Variants in USH2A observed in about 807,000 individuals in gnomAD.
USH2A encodes the protein usherin.
USH2A carries 443 observed loss-of-function variants against 538.9 expected under a neutral mutation model. The observed-to-expected ratio is 0.82, with a 90% CI of 0.76 to 0.89. The LOEUF is 0.89. Among genes scored for constraint, USH2A ranks in the 40% least tolerant of loss-of-function variants. USH2A has a pLI of 0.00. For missense variants in USH2A, 6,633 were observed against 6,324.8 expected (o/e 1.05, Z -1.65); for synonymous variants, 2,413 against 2,273.5 (o/e 1.06, Z -1.75).
At chr1:215,678,329 A>T (rs1658101157) in intron 62 of USH2A, among the ~76,000 whole-genome samples, 1 of 152,236 alleles carries the variant, frequency 6.6e-6, no homozygotes, top group African/African-American at 2.4e-5. Context: ...GTCTCCTACC[A>T]GTCCCTCCAA....
chr1:216,090,520 C>T (rs985812893), intron 22 of USH2A, among the ~76,000 whole-genome samples: 1 of 151,172 alleles, frequency 6.6e-6, no homozygotes, highest in Non-Finnish European at 1.5e-5. Flanking sequence ...TTACAGACAA[C>T]TCCATCAGCT....
rs142863927 is a variant in USH2A, at chr1:215,790,004, G to A, written c.10182+55C>T. 6,030 of 1,523,130 alleles carry A rather than the reference G, an allele frequency of 4.0e-3. 34 individuals carry two copies. Among genetic ancestry groups the A allele is most frequent in the South Asian group, 6.3e-3 (559 of 88,846 alleles). The allele number at this position is 1,523,130 out of a possible 1,614,324, so 94.4% of individuals were successfully genotyped here. A position where few individuals can be genotyped will look rare whatever the true frequency, so the allele number is the denominator to read the frequency against. ...TTTTAGAAAAATAGTTATGAACAAT[G>A]TATTTCTCTTTCCATTGTCAAATCA... On this transcript the variant is annotated intron_variant, in intron 51 of 71. Transcript: ENST00000307340.
chr1:216,166,532 G>A (rs987401337), intron 21 of USH2A, among the ~76,000 whole-genome samples: 1 of 152,156 alleles, frequency 6.6e-6, no homozygotes, highest in Non-Finnish European at 1.5e-5. Flanking sequence ...TGTTGGCAGA[G>A]AAGCCCACAA....
At chr1:216,085,051 C>A (rs1026920454) in intron 24 of USH2A, 174 bp from the exon 25 acceptor site, 3 of 646,490 alleles carry the variant, frequency 4.6e-6, no homozygotes, top group Non-Finnish European at 8.0e-6. Context: ...TAAATGATAG[C>A]AATTATAATG....
At chr1:216,366,590 C>CA (rs1490409753) in intron 3 of USH2A, among the ~76,000 whole-genome samples, 22 of 151,596 alleles carry the variant, frequency 1.5e-4, no homozygotes, top group East Asian at 9.7e-4. Flanking sequence ...TGTCCCCCCC[C>CA]AAAAAAACAA....
chr1:215,853,273 C>G (rs915084290), intron 44 of USH2A, among the ~76,000 whole-genome samples: 9 of 152,244 alleles, frequency 5.9e-5, no homozygotes, highest in African/African-American at 1.7e-4. Flanking sequence ...GTGGCCCAAG[C>G]TCTACATTGG....
chr1:215,908,378 T>G (rs1163212845), intron 38 of USH2A, among the ~76,000 whole-genome samples: 1 of 152,014 alleles, frequency 6.6e-6, no homozygotes. Flanking sequence ...AGTTTAGTAT[T>G]GCTCATGAAA....
intron 51 of USH2A, among the ~76,000 whole-genome samples, chr1:215,788,927 A>AAAACAAAACC (rs2102768842): frequency 6.6e-6 from 1 of 150,834 alleles, no homozygotes; most frequent in South Asian, 2.1e-4. Context: ...AAAACAAAAC[A>AAAACAAAACC]AAACAAAACA....
chr1:216,164,049 A>G lies in USH2A; in HGVS notation c.4627+11203T>C, dbSNP rs547136790. The stretch of plus-strand genomic sequence containing the variant: ...AGAAGTCACTTGTAATTACTTAATT[A>G]CATGTTTGATGCATGATTTCACTGC... On this transcript the variant is annotated intron_variant, in intron 21 of 71. Transcript: ENST00000307340. Among the ~76,000 whole-genome samples the G allele has an allele frequency of 9.2e-5, 14 of 152,244 alleles. No individual in the cohort carries two copies. In the South Asian group the frequency reaches 2.9e-3, roughly 32 times the overall value.
At chr1:216,205,804 A>G (rs1331402261) in intron 16 of USH2A, among the ~76,000 whole-genome samples, 1 of 152,208 alleles carries the variant, frequency 6.6e-6, no homozygotes, top group Non-Finnish European at 1.5e-5. Flanking sequence ...GGCTAGAAGC[A>G]AAAATCAGAG....
In USH2A at chr1:215,900,352, A is replaced by G. The variant is rs1470024381; in HGVS notation, c.7452-135T>C. 3.1e-6 allele frequency: 3 copies of G among 977,194 alleles called. No individual in the cohort carries two copies. In the African/African-American group the frequency reaches 4.9e-5, roughly 16 times the overall value. 60.5% of individuals were successfully genotyped at this position (977,194 alleles called of 1,614,324 possible). A position where few individuals can be genotyped will look rare whatever the true frequency, so the allele number is the denominator to read the frequency against. The stretch of plus-strand genomic sequence containing the variant: ...TATTGTAATTTTCTGCCATCAAATG[A>G]GATCTCTTTTAAAATAAGTAGCCAT... On this transcript the variant is annotated intron_variant, in intron 39 of 71. Transcript: ENST00000307340.
intron 37 of USH2A, among the ~76,000 whole-genome samples, chr1:215,938,786 T>TA (rs1666566387): frequency 6.6e-6 from 1 of 152,126 alleles, no homozygotes; most frequent in Non-Finnish European, 1.5e-5. Context: ...CATTGGGCTT[T>TA]AACTGGGGGT....
At chr1:215,626,259 C>T (rs895087337) in intron 71 of USH2A, among the ~76,000 whole-genome samples, 2 of 149,508 alleles carry the variant, frequency 1.3e-5, no homozygotes, top group African/African-American at 4.9e-5. Context: ...ACTATATAGA[C>T]ACTACATATA....
intron 11 of USH2A, among the ~76,000 whole-genome samples, chr1:216,269,259 T>C (rs758794573): frequency 2.0e-5 from 3 of 152,058 alleles, no homozygotes; most frequent in African/African-American, 7.2e-5. Context: ...GTTCTCATGA[T>C]AGTGAATAAA....
chr1:215,640,738 T>G lies in USH2A; in HGVS notation c.14792-4A>C. The G allele has an allele frequency of 2.5e-6, 4 of 1,606,048 alleles. No homozygotes were observed. Among genetic ancestry groups the G allele is most frequent in the Non-Finnish European group, 3.4e-6 (4 of 1,178,422 alleles). On this transcript the variant is annotated splice_region_variant and splice_polypyrimidine_tract_variant and intron_variant, in intron 67 of 71. Transcript: ENST00000307340. ...AATGGGGCTCGGTACTGAGGCACTGTGGGGAGAAAGTTGTATGTTCTAAAA... is the reference window on the plus strand; with the variant it reads ...AATGGGGCTCGGTACTGAGGCACTGGGGGGAGAAAGTTGTATGTTCTAAAA...
chr1:215,809,802 C>G (rs1220868549), intron 49 of USH2A, among the ~76,000 whole-genome samples: 1 of 152,118 alleles, frequency 6.6e-6, no homozygotes, highest in Non-Finnish European at 1.5e-5. Context: ...TACGTATTTA[C>G]CAATATTTCA....
rs138019735 is a variant in USH2A, at chr1:215,849,145, CT to C, written c.8846-3113del. On this transcript the variant is annotated intron_variant, in intron 44 of 71. Transcript: ENST00000307340. ...AAAACATAAGTTACAAGGCTTCTTC[CT>C]AGCATAAGACAAGGGAAATCTTGTC... is the stretch of plus-strand genomic sequence containing the variant. Among the ~76,000 whole-genome samples, 619 of 152,258 alleles carry C rather than the reference CT, an allele frequency of 4.1e-3. 13 individuals carry two copies. In the East Asian group the frequency reaches 0.058, roughly 14 times the overall value.
At chr1:216,140,696 GATCA>G (rs762419519) in intron 21 of USH2A, among the ~76,000 whole-genome samples, 2 of 152,204 alleles carry the variant, frequency 1.3e-5, no homozygotes, top group Non-Finnish European at 2.9e-5. Flanking sequence ...ACATCTGTCA[GATCA>G]ATCTACTGTC....
At chr1:215,755,860 A>T (rs1660778304) in intron 58 of USH2A, among the ~76,000 whole-genome samples, 1 of 152,204 alleles carries the variant, frequency 6.6e-6, no homozygotes, top group Non-Finnish European at 1.5e-5. Flanking sequence ...CTAAATGGAA[A>T]CATGATACAT....
Sources: allele counts gnomAD v4.1 joint callset (sites outside exome capture counted in the v4.1 genomes callset), GRCh38; gene constraint gnomAD v4.1.1; transcripts MANE v1.5; gene names NCBI Gene and HGNC (gene_info 2026-07-23, HGNC 2026-07-21).